The following COMMD7 variants were observed in gnomAD, a reference collection of about 807,000 sequenced individuals.
COMMD7 encodes the protein COMM domain-containing protein 7.
COMMD7 carries 28 observed loss-of-function variants against 34.8 expected under a neutral mutation model. The observed-to-expected ratio is 0.80, with a 90% CI of 0.60 to 1.10. COMMD7 has a LOEUF of 1.10. Ranked by LOEUF, COMMD7 falls within the 50% of genes least tolerant of loss-of-function variation. The pLI is 0.00. For synonymous variants in COMMD7, 80 were observed against 86.4 expected (o/e 0.93, Z 0.41); for missense variants, 211 against 241.6 (o/e 0.87, Z 0.84).
chr20:32,738,036 A>G lies in COMMD7; in HGVS notation c.84+5272T>C, dbSNP rs113427094. Among the ~76,000 whole-genome samples the G allele has an allele frequency of 4.4e-3, 673 of 152,284 alleles. 3 individuals are homozygous for G. Among genetic ancestry groups the G allele is most frequent in the African/African-American group, 0.015 (638 of 41,570 alleles). ...ATCTTCCAGAGAACACTGATACATT[A>G]ACAAGTAAAAGCTAAGCTACCACCA... On this transcript the variant is annotated intron_variant, in intron 1 of 8. Coordinates refer to ENST00000278980, the MANE Select transcript of COMMD7 (RefSeq NM_053041.3).
chr20:32,743,050 C>A (rs1214884956), intron 1 of COMMD7, among the ~76,000 whole-genome samples: 1 of 152,128 alleles, frequency 6.6e-6, no homozygotes, highest in Non-Finnish European at 1.5e-5. Context: ...AGTCCCATCT[C>A]TGAGACCCCA....
rs868498173 is a variant in COMMD7 at position 32,712,727 on chromosome 20, C to T, written c.242-5967G>A. 4.7e-3 allele frequency among the ~76,000 whole-genome samples: 611 copies of T among 130,204 alleles called. 2 individuals carry two copies. The highest frequency in any genetic ancestry group is 0.017 in the African/African-American group (593 of 35,044). 85.4% of individuals were successfully genotyped at this position (130,204 alleles called of 152,430 possible). On this transcript the variant is annotated intron_variant, in intron 3 of 8. Transcript: ENST00000278980. ...AACACAGATAACTTTGAGATGGTCC[C>T]TTTTTTTTTTTTGACACGGAGACTT...
chr20:32,725,987 C>G (rs959695027), intron 3 of COMMD7, among the ~76,000 whole-genome samples: 1 of 146,850 alleles, frequency 6.8e-6, no homozygotes, highest in African/African-American at 2.5e-5. Context: ...CACTTAAGCC[C>G]GGGAGGCGGA....
At position 32,743,426 on chromosome 20, in the gene COMMD7, C is replaced by T; in HGVS notation, c.-35G>A. 1 of 1,303,554 alleles carries T rather than the reference C, an allele frequency of 7.7e-7. No homozygotes were observed. Among genetic ancestry groups the T allele is most frequent in the African/African-American group, 1.6e-5 (1 of 64,248 alleles). 80.7% of individuals were successfully genotyped at this position (1,303,554 alleles called of 1,614,324 possible). On this transcript the variant is annotated 5_prime_UTR_variant, in exon 1 of 9. Coordinates refer to ENST00000278980, the MANE Select transcript of COMMD7 (RefSeq NM_053041.3). ...CCCAGCCCCGCAGGTTCCACCGCCG[C>T]CGCCGCCCTGCTCAGCTTCCTCCTC...
In COMMD7 at chr20:32,743,441, G is replaced by C; in HGVS notation, c.-50C>G. 1 of 1,245,088 alleles carries C rather than the reference G, an allele frequency of 8.0e-7. No individual in the cohort carries two copies. Among genetic ancestry groups the C allele is most frequent in the Non-Finnish European group, 1.0e-6 (1 of 978,976 alleles). 77.1% of individuals were successfully genotyped at this position (1,245,088 alleles called of 1,614,324 possible). A position where few individuals can be genotyped will look rare whatever the true frequency, so the allele number is the denominator to read the frequency against. On this transcript the variant is annotated 5_prime_UTR_variant, in exon 1 of 9. Transcript: ENST00000278980. ...TCCACCGCCGCCGCCGCCCTGCTCA[G>C]CTTCCTCCTCCGCTGCCGCTGCCAC...
intron 5 of COMMD7, 97 bp from the exon 6 acceptor site, chr20:32,705,001 A>C: frequency 1.2e-6 from 1 of 868,944 alleles, no homozygotes. Flanking sequence ...TGACACAGAT[A>C]GTGGGGAGGG....
At chr20:32,738,176 A>C (rs1986248389) in intron 1 of COMMD7, among the ~76,000 whole-genome samples, 1 of 152,144 alleles carries the variant, frequency 6.6e-6, no homozygotes. Context: ...CCCAGGCTGG[A>C]GTGCAATGCC....
chr20:32,703,359 C>T lies in COMMD7; in HGVS notation c.*23G>A, dbSNP rs9421. The T allele has an allele frequency of 0.73, 1,171,470 of 1,608,378 alleles. 434,253 individuals are homozygous for T. The highest frequency in any genetic ancestry group is 0.81 in the Middle Eastern group (4,873 of 6,038). On this transcript the variant is annotated 3_prime_UTR_variant, in exon 9 of 9. Coordinates refer to ENST00000278980, the MANE Select transcript of COMMD7 (RefSeq NM_053041.3). ...AAGGGAGGAGGGCAGGGAACGGGGC[C>T]AGGGGAGATGCAGGGACAGAAATCA...
At chr20:32,709,918 A>C (rs1600969225) in intron 3 of COMMD7, among the ~76,000 whole-genome samples, 1 of 146,540 alleles carries the variant, frequency 6.8e-6, no homozygotes. Context: ...TCATTCTGTC[A>C]CCCAGGCTGG....
chr20:32,718,668 C>T (rs1367687695), intron 3 of COMMD7, among the ~76,000 whole-genome samples: 2 of 151,934 alleles, frequency 1.3e-5, no homozygotes, highest in Non-Finnish European at 2.9e-5. Flanking sequence ...CATTGCACTC[C>T]AGCCTGGGTG....
At chr20:32,738,608 G>A (rs1222903509) in intron 1 of COMMD7, among the ~76,000 whole-genome samples, 2 of 152,140 alleles carry the variant, frequency 1.3e-5, no homozygotes, top group African/African-American at 2.4e-5. Context: ...TTTTCCTAGA[G>A]ATGGGGTCTT....
chr20:32,706,619 A>G lies in COMMD7; in HGVS notation c.300T>C (p.Gly100=), dbSNP rs1235219194. The change falls in exon 5 of 9, where the codon GGT becomes GGC. Residue 100 remains glycine (G), a splice_region_variant and synonymous_variant. Transcript: ENST00000278980. ...AGTAAGTGGCTTTCTCCTCACTAAG[A>G]CCTATAAGAGAACAGAAGGAGATAT... The part of the protein sequence containing the change: ...KQVQADFITL[G]LSEEKATYFS... The G allele has an allele frequency of 1.9e-6, 3 of 1,611,946 alleles. No individual in the cohort carries two copies. Among genetic ancestry groups the G allele is most frequent in the Non-Finnish European group, 2.5e-6 (3 of 1,178,080 alleles).
At chr20:32,719,395 C>T (rs1347500103) in intron 3 of COMMD7, among the ~76,000 whole-genome samples, 1 of 152,174 alleles carries the variant, frequency 6.6e-6, no homozygotes, top group African/African-American at 2.4e-5. Flanking sequence ...CACCTGTAAT[C>T]CCAGCACTTT....
chr20:32,703,941 T>C (rs1198504514), intron 8 of COMMD7, 82 bp downstream of exon 8: 2 of 1,605,352 alleles, frequency 1.2e-6, no homozygotes, highest in East Asian at 4.5e-5. Context: ...ATAGAAGACA[T>C]GATTTGTGGT....
At chr20:32,729,215 C>A (rs916636974) in intron 1 of COMMD7, among the ~76,000 whole-genome samples, 2 of 145,766 alleles carry the variant, frequency 1.4e-5, no homozygotes, top group Non-Finnish European at 1.5e-5. Flanking sequence ...GTTGCCCAGG[C>A]TGGAGTGCAG....
chr20:32,740,575 G>A (rs560615056), intron 1 of COMMD7, among the ~76,000 whole-genome samples: 7 of 152,002 alleles, frequency 4.6e-5, no homozygotes, highest in South Asian at 4.1e-4. Context: ...ACAGAAATCC[G>A]CGCCCAGCCA....
intron 3 of COMMD7, among the ~76,000 whole-genome samples, chr20:32,725,390 G>T (rs1985444217): frequency 6.6e-6 from 1 of 150,434 alleles, no homozygotes; most frequent in Non-Finnish European, 1.5e-5. Context: ...AGTAAAAGAG[G>T]ATTTTTACTT....
At chr20:32,712,362 G>A (rs1389891331) in intron 3 of COMMD7, among the ~76,000 whole-genome samples, 1 of 149,058 alleles carries the variant, frequency 6.7e-6, no homozygotes, top group Non-Finnish European at 1.5e-5. Flanking sequence ...ATAAAAATTA[G>A]CTGGGCATGG....
intron 1 of COMMD7, among the ~76,000 whole-genome samples, chr20:32,736,983 G>A (rs1986158089): frequency 6.6e-6 from 1 of 151,504 alleles, no homozygotes; most frequent in Admixed American, 6.6e-5. Flanking sequence ...GAGTTCGAGA[G>A]TAGCCTGACC....
Sources: gnomAD v4.1 joint callset for allele counts (sites outside exome capture counted in the v4.1 genomes callset) on GRCh38, gnomAD v4.1.1 for gene constraint, MANE v1.5 for transcripts, NCBI Gene and HGNC (gene_info 2026-07-23, HGNC 2026-07-21) for gene names.